Variants in ASIC2 observed in about 807,000 individuals in gnomAD.
The protein encoded by ASIC2 is acid sensing ion channel subunit 2, also known as acid-sensing ion channel 2.
ASIC2 carries 25 observed loss-of-function variants against 57.3 expected under a neutral mutation model. The ratio of observed to expected loss-of-function variants is 0.44; its 90% confidence interval spans 0.32 to 0.61. The LOEUF is 0.61. Ranked by LOEUF, ASIC2 falls within the 20% of genes least tolerant of loss-of-function variation. The probability of loss-of-function intolerance (pLI) is 0.06; values close to 1 mark genes in which losing one functional copy is unlikely to be tolerated. For synonymous variants in ASIC2, 319 were observed against 307.5 expected (o/e 1.04, Z -0.39); for missense variants, 641 against 738.1 (o/e 0.87, Z 1.52).
At chr17:33,236,421 A>G (rs1300466719) in intron 1 of ASIC2, among the ~76,000 whole-genome samples, 1 of 152,128 alleles carries the variant, frequency 6.6e-6, no homozygotes. Flanking sequence ...ACCACAGCTC[A>G]CAACCTTGAA....
chr17:33,269,810 G>C (rs1163394180), intron 1 of ASIC2, among the ~76,000 whole-genome samples: 1 of 141,596 alleles, frequency 7.1e-6, no homozygotes, highest in Non-Finnish European at 1.5e-5. Flanking sequence ...AAAAACACTA[G>C]GAATGGTAGT....
intron 1 of ASIC2, among the ~76,000 whole-genome samples, chr17:33,782,410 C>T (rs1567714189): frequency 6.6e-6 from 1 of 150,968 alleles, no homozygotes; most frequent in Admixed American, 6.6e-5. Context: ...AAAGATTATC[C>T]TTTCTGCATT....
chr17:34,127,996 A>T (rs747816805), intron 1 of ASIC2, among the ~76,000 whole-genome samples: 9 of 152,226 alleles, frequency 5.9e-5, no homozygotes, highest in Non-Finnish European at 1.0e-4. Context: ...CCTGAATCTC[A>T]GAGAGGCAAG....
intron 1 of ASIC2, among the ~76,000 whole-genome samples, chr17:33,158,980 C>T (rs896634071): frequency 7.2e-5 from 11 of 152,264 alleles, no homozygotes; most frequent in East Asian, 1.9e-4. Flanking sequence ...AGCAATTGGG[C>T]GGTACTGCCA....
chr17:33,653,649 C>G (rs1216979121), intron 1 of ASIC2, among the ~76,000 whole-genome samples: 1 of 152,134 alleles, frequency 6.6e-6, no homozygotes, highest in African/African-American at 2.4e-5. Context: ...TTCTAAAGTT[C>G]CAGTTTCCCA....
chr17:33,970,094 C>T (rs1324817839), intron 1 of ASIC2, among the ~76,000 whole-genome samples: 2 of 150,430 alleles, frequency 1.3e-5, no homozygotes, highest in Admixed American at 6.7e-5. Context: ...GAACTATTGA[C>T]ATTTTGGGCT....
Position 33,424,196 on chromosome 17 carries a change from C to T in ASIC2, c.556-312129G>A, listed in dbSNP as rs1001159423. 3.9e-5 allele frequency among the ~76,000 whole-genome samples: 6 copies of T among 152,332 alleles called. No individual in the cohort carries two copies. In the East Asian group the frequency reaches 7.7e-4, roughly 20 times the overall value. ...TCACTGCCCACACTGGCTTTCCTCA[C>T]TCCTGCCCCCAAGGGTTATACGTTT... On this transcript the variant is annotated intron_variant, in intron 1 of 9. Transcript: ENST00000359872.
chr17:33,579,297 A>AT (rs1916785966), intron 1 of ASIC2, among the ~76,000 whole-genome samples: 1 of 151,100 alleles, frequency 6.6e-6, no homozygotes, highest in Non-Finnish European at 1.5e-5. Flanking sequence ...AAAAAAAAAA[A>AT]AAAAAAATGC....
In ASIC2 at chr17:33,279,159, T is replaced by C. The variant is rs1904836214; in HGVS notation, c.708+12249A>G. The stretch of plus-strand genomic sequence containing the variant: ...AGTTATACACACGTGGCTAAAAATA[T>C]TCGGGTCATAGATAAGGGTGAAGAG... On this transcript the variant is annotated intron_variant, in intron 1 of 9. Coordinates refer to ENST00000225823, the MANE Select transcript of ASIC2 (RefSeq NM_183377.2). 3.9e-5 allele frequency among the ~76,000 whole-genome samples: 6 copies of C among 152,182 alleles called. No homozygotes were observed. In the South Asian group the frequency reaches 1.2e-3, roughly 32 times the overall value.
intron 1 of ASIC2, among the ~76,000 whole-genome samples, chr17:33,375,913 G>A (rs888534685): frequency 6.6e-6 from 1 of 152,182 alleles, no homozygotes; most frequent in Admixed American, 6.5e-5. Flanking sequence ...GGAAGGACAT[G>A]TTGGTTTTGG....
At chr17:33,961,398 G>T (rs1280214561) in intron 1 of ASIC2, among the ~76,000 whole-genome samples, 1 of 149,300 alleles carries the variant, frequency 6.7e-6, no homozygotes, top group East Asian at 1.9e-4. Flanking sequence ...CATCACAGTT[G>T]GTGGTTGGAG....
chr17:34,110,405 T>A (rs1911228136), intron 1 of ASIC2, among the ~76,000 whole-genome samples: 1 of 152,156 alleles, frequency 6.6e-6, no homozygotes, highest in Non-Finnish European at 1.5e-5. Context: ...ACCTAGCTCT[T>A]CCTCGCCCTC....
At chr17:33,713,471 TTC>T (rs1909117426) in intron 1 of ASIC2, among the ~76,000 whole-genome samples, 1 of 152,228 alleles carries the variant, frequency 6.6e-6, no homozygotes, top group African/African-American at 2.4e-5. Context: ...TCATGTGGTA[TTC>T]TCTCTGTACG....
intron 1 of ASIC2, among the ~76,000 whole-genome samples, chr17:33,323,133 A>G (rs1292650629): frequency 1.3e-5 from 2 of 152,206 alleles, no homozygotes; most frequent in East Asian, 3.9e-4. Flanking sequence ...AGTATTTGCT[A>G]AAGTGAAACA....
intron 1 of ASIC2, among the ~76,000 whole-genome samples, chr17:33,578,802 T>C (rs1190597975): frequency 7.0e-6 from 1 of 143,168 alleles, no homozygotes; most frequent in Middle Eastern, 3.3e-3. Context: ...ATTAGTCTAG[T>C]CACAGTTCAT....
chr17:33,521,624 G>A (rs535261684), intron 1 of ASIC2, among the ~76,000 whole-genome samples: 15 of 152,324 alleles, frequency 9.8e-5, no homozygotes, highest in African/African-American at 2.9e-4. Context: ...TGTTGGATCC[G>A]ACTGGCAGAG....
At chr17:33,599,578 A>G (rs1905073615) in intron 1 of ASIC2, among the ~76,000 whole-genome samples, 3 of 152,168 alleles carry the variant, frequency 2.0e-5, no homozygotes, top group Admixed American at 6.5e-5. Flanking sequence ...GGGTAGGAAA[A>G]CAGACTAGGA....
chr17:33,286,305 T>A (rs551961403), intron 1 of ASIC2, among the ~76,000 whole-genome samples: 12 of 152,256 alleles, frequency 7.9e-5, no homozygotes, highest in African/African-American at 2.9e-4. Context: ...TGGGCAATAG[T>A]GAAGGGTGCA....
intron 1 of ASIC2, among the ~76,000 whole-genome samples, chr17:33,176,959 C>T (rs1025605720): frequency 6.6e-6 from 1 of 152,152 alleles, no homozygotes. Context: ...GACCTGCACC[C>T]GTGTATCTGA....
Sources: allele counts gnomAD v4.1 joint callset (sites outside exome capture counted in the v4.1 genomes callset), GRCh38; gene constraint gnomAD v4.1.1; transcripts MANE v1.5; gene names NCBI Gene and HGNC (gene_info 2026-07-23, HGNC 2026-07-21).